APOO: variants seen among roughly 807,000 people sequenced by gnomAD.
The protein encoded by APOO is apolipoprotein O.
Under a neutral mutation model 23.1 loss-of-function variants are expected in APOO, and 11 were observed. That is an observed-to-expected ratio of 0.48 (90% CI 0.30 to 0.79). APOO has a LOEUF of 0.79. APOO is among the 30% of genes least tolerant of loss of function. The pLI is 0.07. For synonymous variants in APOO, 59 were observed against 54.8 expected (o/e 1.08, Z -0.34); for missense variants, 160 against 142.7 (o/e 1.12, Z -0.62).
intron 7 of APOO, among the ~76,000 whole-genome samples, chrX:23,852,727 C>T (rs779178986): frequency 3.6e-5 from 4 of 111,129 alleles, no homozygotes; most frequent in Middle Eastern, 4.2e-3. Flanking sequence ...CTTCATGAAG[C>T]GTCCCTTAAT....
At chrX:23,870,114 G>A (rs746830957) in intron 4 of APOO, among the ~76,000 whole-genome samples, 51 of 111,396 alleles carry the variant, frequency 4.6e-4, no homozygotes, top group African/African-American at 1.3e-3. Context: ...GCTGTTGATG[G>A]TGATAGAATA....
At chrX:23,902,843 G>C (rs768181105) in intron 1 of APOO, among the ~76,000 whole-genome samples, 1 of 110,761 alleles carries the variant, frequency 9.0e-6, no homozygotes, top group Non-Finnish European at 1.9e-5. Context: ...CCCAAACCCC[G>C]ATCAATCCTA....
chrX:23,871,928 T>A (rs1925639007), intron 4 of APOO, among the ~76,000 whole-genome samples: 1 of 112,408 alleles, frequency 8.9e-6, no homozygotes, highest in African/African-American at 3.2e-5. Context: ...GTGATCATTT[T>A]AAATACTACT....
chrX:23,847,397 C>T (rs935689053), intron 7 of APOO, among the ~76,000 whole-genome samples: 10 of 110,772 alleles, frequency 9.0e-5, no homozygotes, highest in African/African-American at 2.6e-4. Flanking sequence ...GAGGCCGAGG[C>T]GGGCGGATCA....
chrX:23,871,548 T>C (rs1018892389), intron 4 of APOO, among the ~76,000 whole-genome samples: 25 of 111,114 alleles, frequency 2.2e-4, no homozygotes, highest in African/African-American at 7.9e-4. Flanking sequence ...CAGTGTGCAA[T>C]GCCTGCTTCC....
intron 4 of APOO, among the ~76,000 whole-genome samples, chrX:23,869,200 C>T (rs970939743): frequency 2.7e-5 from 3 of 110,424 alleles, no homozygotes; most frequent in Non-Finnish European, 3.8e-5. Flanking sequence ...TGAGCCACTG[C>T]GCCCGGCTGC....
rs779756632 is a variant in APOO, at chrX:23,879,071, G to A, written c.118-37C>T. 5 of 1,188,416 alleles carry A rather than the reference G, an allele frequency of 4.2e-6. No individual in the cohort carries two copies. The South Asian group carries it at 9.1e-5, about 22-fold the overall frequency. ...AAAACAAAACAAAGATTTAAAAGAT[G>A]TACTGTCTACAGGATACATTTATCA... On this transcript the variant is annotated intron_variant, in intron 2 of 8. Coordinates refer to ENST00000379226, the MANE Select transcript of APOO (RefSeq NM_024122.5).
chrX:23,874,277 A>G, intron 4 of APOO, 126 bp downstream of exon 4: 2 of 620,441 alleles, frequency 3.2e-6, no homozygotes, highest in South Asian at 5.7e-5. Context: ...AAATCCACAT[A>G]GCTCTAAAAT....
rs1382776681 is a variant in APOO at position 23,849,103 on chromosome X, T to C, written c.561+7199A>G. Among the ~76,000 whole-genome samples, 4 of 109,075 alleles carry C rather than the reference T, an allele frequency of 3.7e-5. No homozygotes were observed. In the East Asian group the frequency reaches 1.2e-3, roughly 31 times the overall value. 94.7% of individuals were successfully genotyped at this position (109,075 alleles called of 115,157 possible). A position where few individuals can be genotyped will look rare whatever the true frequency, so the allele number is the denominator to read the frequency against. ...CAATCTCCTGACCATGTGTGGCTAA[T>C]TTTTTTGTATTTTTAGTAGAGCTGG... is the stretch of plus-strand genomic sequence containing the variant. On this transcript the variant is annotated intron_variant, in intron 7 of 8. Transcript: ENST00000379226.
chrX:23,867,833 C>T (rs1015396208), intron 5 of APOO, among the ~76,000 whole-genome samples: 3 of 110,549 alleles, frequency 2.7e-5, no homozygotes, highest in African/African-American at 9.9e-5. Flanking sequence ...TGAGCCACTG[C>T]GCCTGGCATC....
intron 1 of APOO, among the ~76,000 whole-genome samples, chrX:23,902,508 G>T (rs755423592): frequency 9.0e-6 from 1 of 111,361 alleles, no homozygotes; most frequent in African/African-American, 3.3e-5. Flanking sequence ...GTGTAATGAA[G>T]GAAATCTAAT....
At position 23,889,502 on chromosome X, in the gene APOO, ACT is replaced by A. The variant is rs773400919; in HGVS notation, c.10-8552_10-8551del. Reference sequence around the variant, plus strand: ...CAACTTTATAGAGAATCTAGTGAATACTCTCTCCCATTTAAAAAAAGGGTGAC... The same window carrying A: ...CAACTTTATAGAGAATCTAGTGAATACTCTCCCATTTAAAAAAAGGGTGAC... On this transcript the variant is annotated intron_variant, in intron 1 of 8. Transcript: ENST00000379226. 5.1e-3 allele frequency among the ~76,000 whole-genome samples: 558 copies of A among 109,706 alleles called. 3 individuals are homozygous for A. Among genetic ancestry groups the A allele is most frequent in the African/African-American group, 0.018 (538 of 30,196 alleles).
chrX:23,879,081 C>CA, intron 2 of APOO, 47 bp from the exon 3 acceptor site: 1 of 1,150,615 alleles, frequency 8.7e-7, no homozygotes. Context: ...GTACTGTCTA[C>CA]AGGATACATT....
intron 4 of APOO, among the ~76,000 whole-genome samples, chrX:23,870,424 T>C (rs1045086860): frequency 1.8e-5 from 2 of 111,822 alleles, no homozygotes; most frequent in African/African-American, 3.2e-5. Flanking sequence ...TCCTTAATGA[T>C]AGATTGCTTA....
chrX:23,862,786 GAA>G (rs1410155914), intron 5 of APOO, among the ~76,000 whole-genome samples: 1 of 91,468 alleles, frequency 1.1e-5, no homozygotes, highest in Non-Finnish European at 2.2e-5. Context: ...AAAGAAAAGA[GAA>G]GAGAAGAGAA....
At chrX:23,853,032 T>C (rs1924616083) in intron 7 of APOO, among the ~76,000 whole-genome samples, 1 of 108,135 alleles carries the variant, frequency 9.2e-6, no homozygotes, top group Non-Finnish European at 1.9e-5. Context: ...CCGAGATGGG[T>C]GGAGCACCTG....
intron 5 of APOO, among the ~76,000 whole-genome samples, chrX:23,864,780 G>C (rs749062630): frequency 8.9e-6 from 1 of 111,901 alleles, no homozygotes; most frequent in South Asian, 3.7e-4. Flanking sequence ...TGCATGAATT[G>C]AAAGGGTATA....
intron 1 of APOO, among the ~76,000 whole-genome samples, chrX:23,895,953 G>C (rs2147045429): frequency 9.1e-6 from 1 of 110,240 alleles, no homozygotes; most frequent in African/African-American, 3.3e-5. Flanking sequence ...GGGTATATTT[G>C]AATATGTCCA....
Position 23,858,650 on chromosome X carries a change from A to G in APOO, c.472T>C (p.Phe158Leu). 2 of 1,210,010 alleles carry G rather than the reference A, an allele frequency of 1.7e-6. No individual in the cohort carries two copies. The highest frequency in any genetic ancestry group is 2.2e-6 in the Non-Finnish European group (2 of 894,637). Residue 158 changes from phenylalanine to leucine, a missense_variant, in exon 6 of 9, where the codon TTT becomes CTT. Phe to Leu is a conservative substitution (Grantham distance 22). Coordinates refer to ENST00000379226, the MANE Select transcript of APOO (RefSeq NM_024122.5). Reference protein sequence around the residue: ...SLYYPQQAIVFAQVSGERLYD... With the variant: ...SLYYPQQAIVLAQVSGERLYD... ...TACAGAGTTTCTCTTACCTGGGCAA[A>G]CACGATGGCTTGTTGTGGATAATAG...
Sources: allele counts gnomAD v4.1 joint callset (sites outside exome capture counted in the v4.1 genomes callset), GRCh38; gene constraint gnomAD v4.1.1; transcripts MANE v1.5; gene names NCBI Gene and HGNC (gene_info 2026-07-23, HGNC 2026-07-21).